Variants in AK9 observed in about 807,000 individuals in gnomAD.
The protein encoded by AK9 is adenylate kinase domain containing 1.
Under a neutral mutation model 239.6 loss-of-function variants are expected in AK9, and 191 were observed. The ratio of observed to expected loss-of-function variants is 0.80; its 90% confidence interval spans 0.71 to 0.90. AK9 has a LOEUF of 0.90. Ranked by LOEUF, AK9 falls within the 40% of genes least tolerant of loss-of-function variation. The pLI is 0.00. For missense variants in AK9, 1,995 were observed against 2,214.7 expected (o/e 0.90, Z 1.99); for synonymous variants, 689 against 721.0 (o/e 0.96, Z 0.71).
At chr6:109,599,399 A>C (rs984865256) in intron 17 of AK9, among the ~76,000 whole-genome samples, 6 of 152,054 alleles carry the variant, frequency 3.9e-5, no homozygotes, top group African/African-American at 1.5e-4. Context: ...GTGTGGTATT[A>C]TTTCTGAGGG....
chr6:109,543,737 C>T (rs371739623), intron 26 of AK9, among the ~76,000 whole-genome samples: 58 of 152,102 alleles, frequency 3.8e-4, no homozygotes, highest in African/African-American at 1.2e-3. Context: ...CGTGAGCGAC[C>T]GTGCCTGTCC....
chr6:109,552,270 A>G (rs1784464225), intron 24 of AK9, among the ~76,000 whole-genome samples: 1 of 152,194 alleles, frequency 6.6e-6, no homozygotes, highest in Admixed American at 6.5e-5. Flanking sequence ...TAGATCCTTG[A>G]GGAATCGCCA....
chr6:109,611,848 C>T (rs1455800652), intron 16 of AK9, among the ~76,000 whole-genome samples, 162 bp downstream of exon 16: 2 of 152,134 alleles, frequency 1.3e-5, no homozygotes, highest in Admixed American at 1.3e-4. Context: ...TCTTGCATGT[C>T]CAACATAATA....
intron 27 of AK9, among the ~76,000 whole-genome samples, chr6:109,535,889 C>A (rs889435796): frequency 6.6e-6 from 1 of 152,152 alleles, no homozygotes; most frequent in Non-Finnish European, 1.5e-5. Flanking sequence ...TTGTTTTTGT[C>A]AGGTTTTTCA....
intron 19 of AK9, among the ~76,000 whole-genome samples, chr6:109,584,542 A>G (rs536994608): frequency 2.0e-5 from 3 of 152,288 alleles, no homozygotes; most frequent in South Asian, 4.1e-4. Flanking sequence ...TTATTCTTCA[A>G]TCTGAAGGAC....
intron 8 of AK9, among the ~76,000 whole-genome samples, chr6:109,649,379 G>A (rs1480322702): frequency 5.3e-5 from 8 of 152,142 alleles, no homozygotes; most frequent in African/African-American, 1.2e-4. Flanking sequence ...AAGCTGATAA[G>A]CAACTTCAGC....
At position 109,682,343 on chromosome 6, in the gene AK9, C is replaced by T. The variant is rs370979696; in HGVS notation, c.-11-6587G>A. Among the ~76,000 whole-genome samples the T allele has an allele frequency of 3.8e-3, 557 of 147,742 alleles. 2 individuals carry two copies. The highest frequency in any genetic ancestry group is 0.012 in the African/African-American group (477 of 39,652). On this transcript the variant is annotated intron_variant, in intron 1 of 40. Coordinates refer to ENST00000424296, the MANE Select transcript of AK9 (RefSeq NM_001145128.3). ...TTGGGAGGCTGAGGCAGGAGAATGG[C>T]GTGAACCCGGGAGGCGGAGCTTGCA...
chr6:109,611,178 T>C (rs2128239418), intron 16 of AK9, among the ~76,000 whole-genome samples: 1 of 152,258 alleles, frequency 6.6e-6, no homozygotes, highest in East Asian at 1.9e-4. Flanking sequence ...ACTGTCAGGG[T>C]GTCTAGCTGG....
chr6:109,540,256 T>C (rs1442609638), intron 27 of AK9, among the ~76,000 whole-genome samples: 1 of 152,180 alleles, frequency 6.6e-6, no homozygotes, highest in African/African-American at 2.4e-5. Flanking sequence ...TCCACCCAGT[T>C]AGAGCTTCCT....
Position 109,656,864 on chromosome 6 carries a change from C to T in AK9, c.651G>A (p.Gln217=). The change falls in exon 8 of 41, where the codon CAG becomes CAA. Residue 217 remains glutamine, a synonymous_variant. Transcript: ENST00000424296. ...GATGATGAAGAATTTCAGCCACCATCTGCATTTCGGCAATAAATGCCTAAA... is the reference window on the plus strand; with the variant it reads ...GATGATGAAGAATTTCAGCCACCATTTGCATTTCGGCAATAAATGCCTAAA... The part of the protein sequence containing the change: ...EEEEAFIAEM[Q]MVAEILHHLV... 6.2e-7 allele frequency: 1 copy of T among 1,612,774 alleles called. No individual in the cohort carries two copies. Among genetic ancestry groups the T allele is most frequent in the Non-Finnish European group, 8.5e-7 (1 of 1,179,328 alleles).
intron 17 of AK9, among the ~76,000 whole-genome samples, chr6:109,598,543 T>C (rs1791401267): frequency 6.6e-6 from 1 of 152,226 alleles, no homozygotes; most frequent in Non-Finnish European, 1.5e-5. Flanking sequence ...TACGTGTGCA[T>C]GTGTCTTTAT....
At position 109,691,147 on chromosome 6, in the gene AK9, C is replaced by G. The variant is rs892670957; in HGVS notation, c.-12G>C. On this transcript the variant is annotated splice_region_variant and 5_prime_UTR_variant, in exon 1 of 41. Coordinates refer to ENST00000424296, the MANE Select transcript of AK9 (RefSeq NM_001145128.3). ...GCCCATGTTTTCCTCCAATCCTTAC[C>G]AAAGATGGTGCCCTTCGCTTCCTCT... is the stretch of plus-strand genomic sequence containing the variant. 7 of 557,914 alleles carry G rather than the reference C, an allele frequency of 1.3e-5. No individual in the cohort carries two copies. Among genetic ancestry groups the G allele is most frequent in the African/African-American group, 9.4e-5 (5 of 53,202 alleles). The allele number at this position is 557,914 out of a possible 1,614,324, so 34.6% of individuals were successfully genotyped here.
chr6:109,568,084 T>C (rs1050329494), intron 21 of AK9, among the ~76,000 whole-genome samples: 2 of 152,076 alleles, frequency 1.3e-5, no homozygotes, highest in African/African-American at 4.8e-5. Flanking sequence ...TCCACCACGA[T>C]CAAGTTGGCT....
intron 17 of AK9, among the ~76,000 whole-genome samples, chr6:109,592,202 A>G (rs912225800): frequency 5.3e-5 from 8 of 152,204 alleles, no homozygotes; most frequent in African/African-American, 1.9e-4. Flanking sequence ...ACAGAATTCT[A>G]TAAATAGAAT....
intron 12 of AK9, among the ~76,000 whole-genome samples, chr6:109,622,441 T>G (rs191504956): frequency 5.4e-4 from 77 of 142,502 alleles, no homozygotes; most frequent in African/African-American, 1.9e-3. Flanking sequence ...TATAGTATAT[T>G]ATACATCAAT....
At chr6:109,648,604 T>G (rs925221667) in intron 8 of AK9, among the ~76,000 whole-genome samples, 2 of 152,108 alleles carry the variant, frequency 1.3e-5, no homozygotes, top group Non-Finnish European at 2.9e-5. Context: ...AATCAATAGC[T>G]TACCAAACAA....
intron 6 of AK9, among the ~76,000 whole-genome samples, 164 bp downstream of exon 6, chr6:109,662,387 T>C (rs1310972189): frequency 6.6e-6 from 1 of 152,162 alleles, no homozygotes; most frequent in Admixed American, 6.6e-5. Context: ...GATGGAGCTT[T>C]AGGAGCAAGA....
At chr6:109,622,219 T>C (rs1207394504) in intron 12 of AK9, among the ~76,000 whole-genome samples, 1 of 144,842 alleles carries the variant, frequency 6.9e-6, no homozygotes, top group African/African-American at 2.5e-5. Flanking sequence ...TTTTAGACAT[T>C]ATATATAATA....
rs760537102 is a variant in AK9 at position 109,633,282 on chromosome 6, T to A, written c.975A>T (p.Ala325=). The change falls in exon 11 of 41, where the codon GCA becomes GCT. Residue 325 remains alanine, a synonymous_variant. Coordinates refer to ENST00000424296, the MANE Select transcript of AK9 (RefSeq NM_001145128.3). ...TACTTCTTTGCCATCTGTATCTTGG[T>A]GCAATAAGTTTATAAGATGCAAGAG... ...FRTLASYKLI[A]PRYRWQRSKW... 2 of 1,607,962 alleles carry A rather than the reference T, an allele frequency of 1.2e-6. No individual in the cohort carries two copies. Among genetic ancestry groups the A allele is most frequent in the East Asian group, 4.5e-5 (2 of 44,790 alleles).
Sources: gnomAD v4.1 joint callset for allele counts (sites outside exome capture counted in the v4.1 genomes callset) on GRCh38, gnomAD v4.1.1 for gene constraint, MANE v1.5 for transcripts, NCBI Gene and HGNC (gene_info 2026-07-23, HGNC 2026-07-21) for gene names.